RBFOX1: variants seen among roughly 807,000 people sequenced by gnomAD.
RBFOX1 encodes RNA binding protein fox-1 homolog 1.
In RBFOX1, 8 loss-of-function variants were observed where a neutral mutation model predicts 57.7. The ratio of observed to expected loss-of-function variants is 0.14; its 90% CI spans 0.08 to 0.25. The LOEUF (loss-of-function observed/expected upper bound fraction) is 0.25. RBFOX1 is among the 10% of genes least tolerant of loss of function. The probability of loss-of-function intolerance (pLI) is 1.00; values close to 1 mark genes in which losing one functional copy is unlikely to be tolerated. For missense variants in RBFOX1, 611 were observed against 548.5 expected, an observed-to-expected ratio of 1.11 and a Z score of -1.14; for synonymous variants, 326 against 222.4, an observed-to-expected ratio of 1.47 and a Z score of -4.15.
intron 3 of RBFOX1, among the ~76,000 whole-genome samples, chr16:6,987,584 C>G (rs1413916420): frequency 6.6e-6 from 1 of 151,930 alleles, no homozygotes; most frequent in Non-Finnish European, 1.5e-5. Context: ...CACAGGTGCA[C>G]AAACTTACCT....
At chr16:5,582,198 A>C (rs2046690349) in intron 2 of RBFOX1, among the ~76,000 whole-genome samples, 3 of 152,188 alleles carry the variant, frequency 2.0e-5, no homozygotes, top group Admixed American at 6.5e-5. Flanking sequence ...ATGAGGTTGC[A>C]CCACAGGAAG....
intron 1 of RBFOX1, among the ~76,000 whole-genome samples, chr16:6,176,839 T>TTCTAGCC (rs2097014885): frequency 6.6e-6 from 1 of 152,192 alleles, no homozygotes; most frequent in Admixed American, 6.5e-5. Flanking sequence ...GAGTGCTTGC[T>TTCTAGCC]TCTAGCCTAA....
intron 2 of RBFOX1, among the ~76,000 whole-genome samples, chr16:5,471,896 C>A (rs188555059): frequency 9.2e-5 from 14 of 152,246 alleles, no homozygotes; most frequent in Non-Finnish European, 1.8e-4. Context: ...AGCTGCCATG[C>A]CCTCAGCCCC....
At chr16:5,446,479 C>A (rs569958640) in intron 1 of RBFOX1, among the ~76,000 whole-genome samples, 1 of 152,176 alleles carries the variant, frequency 6.6e-6, no homozygotes, top group East Asian at 1.9e-4. Flanking sequence ...GTTGATTAAA[C>A]CTGGTTGTCT....
intron 4 of RBFOX1, among the ~76,000 whole-genome samples, chr16:7,154,036 G>T (rs1179492893): frequency 6.6e-6 from 1 of 152,092 alleles, no homozygotes; most frequent in Admixed American, 6.6e-5. Context: ...AGTTGTTTTT[G>T]TTACTAGTAT....
intron 1 of RBFOX1, among the ~76,000 whole-genome samples, chr16:5,463,327 C>T (rs930686233): frequency 2.0e-5 from 3 of 152,040 alleles, no homozygotes; most frequent in Non-Finnish European, 4.4e-5. Context: ...GCATGAAGTG[C>T]GTTGCTTTTC....
At chr16:7,084,304 C>G (rs546219036) in intron 4 of RBFOX1, among the ~76,000 whole-genome samples, 1 of 151,706 alleles carries the variant, frequency 6.6e-6, no homozygotes, top group East Asian at 1.9e-4. Flanking sequence ...TACATATATA[C>G]ACACACACTT....
chr16:6,926,135 G>T (rs539033379), intron 3 of RBFOX1, among the ~76,000 whole-genome samples: 1 of 151,866 alleles, frequency 6.6e-6, no homozygotes, highest in Admixed American at 6.6e-5. Context: ...ATGAAACCCT[G>T]TCTCTACTAA....
Position 6,740,049 on chromosome 16 carries a change from T to C in RBFOX1, c.-16+85399T>C, listed in dbSNP as rs907521906. Among the ~76,000 whole-genome samples the C allele has an allele frequency of 2.0e-5, 3 of 152,232 alleles. No homozygotes were observed. The East Asian group carries it at 5.8e-4, about 29-fold the overall frequency. ...CATTTTCAAATAGAATCTAACAATA[T>C]ATAAAAAGACTTATGCACCCCAACC... is the stretch of plus-strand genomic sequence containing the variant. On this transcript the variant is annotated intron_variant, in intron 3 of 15. Coordinates refer to ENST00000550418, the MANE Select transcript of RBFOX1 (RefSeq NM_018723.4).
At chr16:7,519,976 C>T (rs550769920) in intron 5 of RBFOX1, among the ~76,000 whole-genome samples, 1 of 152,156 alleles carries the variant, frequency 6.6e-6, no homozygotes, top group Non-Finnish European at 1.5e-5. Context: ...AGCTCCACCT[C>T]CCAGGTTCAC....
At chr16:7,088,295 C>T (rs778591774) in intron 4 of RBFOX1, among the ~76,000 whole-genome samples, 8 of 152,136 alleles carry the variant, frequency 5.3e-5, no homozygotes, top group Non-Finnish European at 1.0e-4. Context: ...GAATGAACTG[C>T]TCTGAGTAGT....
At chr16:7,054,545 T>TTGGGG (rs1555823212) in intron 4 of RBFOX1, among the ~76,000 whole-genome samples, 3 of 108,404 alleles carry the variant, frequency 2.8e-5, no homozygotes, top group African/African-American at 8.6e-5. Flanking sequence ...CAAACCTGGG[T>TTGGGG]GGGGGGGCAT....
intron 1 of RBFOX1, among the ~76,000 whole-genome samples, chr16:5,394,697 T>C (rs954749573): frequency 6.6e-6 from 1 of 151,780 alleles, no homozygotes; most frequent in Non-Finnish European, 1.5e-5. Context: ...TACAGATGCA[T>C]GCAACCATAT....
intron 4 of RBFOX1, among the ~76,000 whole-genome samples, chr16:7,470,712 A>G (rs2061407034): frequency 6.6e-6 from 1 of 151,946 alleles, no homozygotes. Flanking sequence ...AGATGGGGGG[A>G]AAGATGAATA....
In RBFOX1 at chr16:5,453,028, T is replaced by C. The variant is rs140378576; in HGVS notation, c.220-14188T>C. Among the ~76,000 whole-genome samples the C allele has an allele frequency of 2.0e-3, 304 of 152,342 alleles. 3 individuals carry two copies. Among genetic ancestry groups the C allele is most frequent in the African/African-American group, 6.9e-3 (285 of 41,584 alleles). On this transcript the variant is annotated intron_variant, in intron 1 of 2. Transcript: ENST00000585867. ...GCATTTCAGTATATCCTCCTGCTAT[T>C]GGGACTCTGTTTACCTCTCTTACTT...
chr16:6,479,048 A>G (rs1339413918), intron 2 of RBFOX1, among the ~76,000 whole-genome samples: 1 of 152,220 alleles, frequency 6.6e-6, no homozygotes, highest in Non-Finnish European at 1.5e-5. Flanking sequence ...AATATCTGCA[A>G]AGCATGATAA....
chr16:6,969,219 T>C (rs1450341669), intron 3 of RBFOX1, among the ~76,000 whole-genome samples: 1 of 152,140 alleles, frequency 6.6e-6, no homozygotes. Flanking sequence ...TCACCTGTTA[T>C]GTGAGAATGA....
At chr16:6,941,321 TCC>T (rs1288879197) in intron 3 of RBFOX1, among the ~76,000 whole-genome samples, 2 of 131,042 alleles carry the variant, frequency 1.5e-5, no homozygotes, top group Non-Finnish European at 3.2e-5. Flanking sequence ...CTTCCTTCCT[TCC>T]TTCCTTCCTT....
intron 1 of RBFOX1, among the ~76,000 whole-genome samples, chr16:5,299,501 A>G (rs2063753395): frequency 6.6e-6 from 1 of 152,232 alleles, no homozygotes; most frequent in Non-Finnish European, 1.5e-5. Context: ...ACTTCATGAG[A>G]AACTGTTAAA....
Sources: allele counts gnomAD v4.1 joint callset (sites outside exome capture counted in the v4.1 genomes callset), GRCh38; gene constraint gnomAD v4.1.1; transcripts MANE v1.5; gene names NCBI Gene and HGNC (gene_info 2026-07-23, HGNC 2026-07-21).